Variants in TENM2 observed in about 807,000 individuals in gnomAD.
TENM2 encodes teneurin-2.
A neutral mutation model predicts 245.2 loss-of-function variants in TENM2; 52 were observed. That is an observed-to-expected ratio of 0.21 (90% confidence interval 0.17 to 0.27). The LOEUF (loss-of-function observed/expected upper bound fraction) is 0.27, where lower values mean the gene tolerates loss of function less well. Among genes scored for constraint, TENM2 ranks in the 10% least tolerant of loss-of-function variants. The pLI, the probability that TENM2 is intolerant of heterozygous loss-of-function variation, is 1.00. For missense variants in TENM2, 3,046 were observed against 3,666.8 expected (o/e 0.83, Z 4.37); for synonymous variants, 1,363 against 1,438.9 (o/e 0.95, Z 1.19).
intron 2 of TENM2, among the ~76,000 whole-genome samples, chr5:167,427,220 A>G (rs1763885203): frequency 6.6e-6 from 1 of 152,146 alleles, no homozygotes; most frequent in South Asian, 2.1e-4. Context: ...TTGGGAGGCC[A>G]AGGTCGTGGA....
chr5:167,528,193 C>A (rs971448052), intron 2 of TENM2, among the ~76,000 whole-genome samples: 8 of 152,062 alleles, frequency 5.3e-5, no homozygotes, highest in African/African-American at 1.9e-4. Flanking sequence ...GTGTGACAGT[C>A]GTGTGCAATA....
chr5:167,043,340 CA>C, the TENM2 span, among the ~76,000 whole-genome samples: 2 of 152,156 alleles, frequency 1.3e-5, no homozygotes, highest in African/African-American at 4.8e-5. Context: ...CTAAAATCAA[CA>C]TGCAATTTGC....
rs1038259331 is a variant in TENM2 at position 167,376,887 on chromosome 5, G to A, written c.502+1414G>A. ...TGTGTGTGTCATATACTATTTAAAT[G>A]AAGGCAATTTGATTGCCTAATAAAT... is the stretch of plus-strand genomic sequence containing the variant. On this transcript the variant is annotated intron_variant, in intron 2 of 28. Coordinates refer to ENST00000518659, the Ensembl canonical transcript of TENM2. Among the ~76,000 whole-genome samples the A allele has an allele frequency of 1.5e-3, 236 of 152,306 alleles. 1 individual carries two copies. The highest frequency in any genetic ancestry group is 5.1e-3 in the African/African-American group (212 of 41,566).
At chr5:167,213,238 A>G in the TENM2 span, among the ~76,000 whole-genome samples, 1 of 152,196 alleles carries the variant, frequency 6.6e-6, no homozygotes, top group African/African-American at 2.4e-5. Flanking sequence ...GCAGTCATTA[A>G]ACGATGTCTC....
At chr5:167,801,996 G>C (rs754945697) in intron 2 of TENM2, among the ~76,000 whole-genome samples, 1 of 152,058 alleles carries the variant, frequency 6.6e-6, no homozygotes, top group Non-Finnish European at 1.5e-5. Context: ...CAAGATTAGC[G>C]TGCTGGCAGG....
intron 1 of TENM2, among the ~76,000 whole-genome samples, chr5:167,333,238 G>C (rs1306178352): frequency 6.6e-6 from 1 of 152,078 alleles, no homozygotes; most frequent in South Asian, 2.1e-4. Context: ...AAATGGGAGG[G>C]GGAACACTCT....
chr5:167,526,589 C>T (rs975836233), intron 2 of TENM2, among the ~76,000 whole-genome samples: 1 of 151,668 alleles, frequency 6.6e-6, no homozygotes, highest in Non-Finnish European at 1.5e-5. Context: ...TTTGTGATTA[C>T]TTTAGAATCA....
intron 27 of TENM2, among the ~76,000 whole-genome samples, chr5:168,255,461 T>A: frequency 6.6e-6 from 1 of 151,852 alleles, no homozygotes; most frequent in Admixed American, 6.6e-5. Flanking sequence ...ACCACCAAGC[T>A]GAGCTAATTT....
intron 2 of TENM2, among the ~76,000 whole-genome samples, chr5:167,762,440 G>A (rs901878138): frequency 1.3e-5 from 2 of 152,318 alleles, no homozygotes; most frequent in Middle Eastern, 3.4e-3. Context: ...ATTCTAGAGA[G>A]ATGCTTCCCT....
chr5:167,904,906 G>T (rs1252804007), intron 3 of TENM2, among the ~76,000 whole-genome samples: 1 of 152,162 alleles, frequency 6.6e-6, no homozygotes, highest in Non-Finnish European at 1.5e-5. Context: ...GTCTGTGGTT[G>T]AGTCAAAAGA....
intron 28 of TENM2, 125 bp downstream of exon 30, chr5:168,260,538 G>A: frequency 9.6e-7 from 1 of 1,040,868 alleles, no homozygotes; most frequent in African/African-American, 1.6e-5. Context: ...AAAGGTGCAG[G>A]ACACATTGAG....
the TENM2 span, among the ~76,000 whole-genome samples, chr5:167,233,187 G>A: frequency 2.0e-5 from 3 of 152,154 alleles, no homozygotes; most frequent in South Asian, 4.1e-4. Flanking sequence ...TGACCTTGCT[G>A]TTTGTGTAGG....
At chr5:168,231,153 T>TATCA (rs929351018) in intron 25 of TENM2, 8 of 152,240 alleles carry the variant, frequency 5.3e-5, no homozygotes, top group African/African-American at 9.7e-5. Flanking sequence ...GTGAGAACAC[T>TATCA]ATCAGGGAAC....
chr5:168,052,152 C>T (rs1416051743), intron 6 of TENM2, among the ~76,000 whole-genome samples: 1 of 151,894 alleles, frequency 6.6e-6, no homozygotes, highest in Non-Finnish European at 1.5e-5. Context: ...AATCCCAGCA[C>T]TTTGGGAAGC....
At chr5:167,424,061 CT>C (rs1238613324) in intron 2 of TENM2, among the ~76,000 whole-genome samples, 2 of 152,198 alleles carry the variant, frequency 1.3e-5, no homozygotes, top group African/African-American at 4.8e-5. Context: ...TTCTCTGCCT[CT>C]GTCCCGGCAG....
At chr5:167,883,728 C>T (rs2090600294) in intron 3 of TENM2, among the ~76,000 whole-genome samples, 1 of 152,168 alleles carries the variant, frequency 6.6e-6, no homozygotes, top group South Asian at 2.1e-4. Context: ...AGTTTCGTGC[C>T]CTAGTAATTT....
At chr5:168,015,787 A>T (rs971690659) in intron 5 of TENM2, among the ~76,000 whole-genome samples, 1 of 152,180 alleles carries the variant, frequency 6.6e-6, no homozygotes, top group Non-Finnish European at 1.5e-5. Flanking sequence ...TCTCCTTCAG[A>T]TCAGAAGGGA....
At chr5:167,531,299 C>A (rs1161655173) in intron 2 of TENM2, among the ~76,000 whole-genome samples, 1 of 152,156 alleles carries the variant, frequency 6.6e-6, no homozygotes, top group Non-Finnish European at 1.5e-5. Context: ...TCTACTATTT[C>A]TTTTTCTAAT....
intron 7 of TENM2, among the ~76,000 whole-genome samples, chr5:168,075,654 G>T (rs1791402655): frequency 6.6e-6 from 1 of 152,206 alleles, no homozygotes; most frequent in Admixed American, 6.5e-5. Flanking sequence ...TTCACTCGCA[G>T]AATGTCAGTG....
Sources: gnomAD v4.1 joint callset for allele counts (sites outside exome capture counted in the v4.1 genomes callset) on GRCh38, gnomAD v4.1.1 for gene constraint, MANE v1.5 for transcripts, NCBI Gene and HGNC (gene_info 2026-07-23, HGNC 2026-07-21) for gene names.